Variants in SMC6 observed in about 807,000 individuals in gnomAD.
The protein encoded by SMC6 is structural maintenance of chromosomes protein 6.
SMC6 carries 79 observed loss-of-function variants against 142.2 expected under a neutral mutation model. The observed-to-expected ratio is 0.56, with a 90% CI of 0.46 to 0.67. The LOEUF is 0.67. SMC6 is among the 30% of genes least tolerant of loss of function. SMC6 has a pLI of 0.00. For synonymous variants in SMC6, 411 were observed against 412.4 expected (o/e 1.00, Z 0.04); for missense variants, 1,072 against 1,284.0 (o/e 0.83, Z 2.52).
rs757480467 is a variant in SMC6, at chr2:17,683,770, T to C, written c.2679-7A>G. 1.1e-5 allele frequency: 17 copies of C among 1,604,494 alleles called. No individual in the cohort carries two copies. Among genetic ancestry groups the C allele is most frequent in the Middle Eastern group, 3.3e-4 (2 of 6,020 alleles). On this transcript the variant is annotated splice_polypyrimidine_tract_variant and splice_region_variant and intron_variant, in intron 23 of 27. Transcript: ENST00000448223. ...TCTTGCTTCTTGGTACTGCCTATTATATAAACAAAATATTACGTAAAAAAT... is the reference window on the plus strand; with the variant it reads ...TCTTGCTTCTTGGTACTGCCTATTACATAAACAAAATATTACGTAAAAAAT...
At chr2:17,729,293 C>T (rs1407253811) in intron 7 of SMC6, among the ~76,000 whole-genome samples, 1 of 152,164 alleles carries the variant, frequency 6.6e-6, no homozygotes, top group African/African-American at 2.4e-5. Flanking sequence ...AGACTTTCTG[C>T]ATTTTAAACA....
At chr2:17,715,933 T>A (rs1572319024) in intron 15 of SMC6, among the ~76,000 whole-genome samples, 153 bp downstream of exon 15, 1 of 152,342 alleles carries the variant, frequency 6.6e-6, no homozygotes, top group Non-Finnish European at 1.5e-5. Flanking sequence ...GGATATTTTA[T>A]GCTTTAAAAA....
intron 7 of SMC6, among the ~76,000 whole-genome samples, chr2:17,726,686 T>C (rs1011550554): frequency 2.0e-5 from 3 of 152,200 alleles, no homozygotes; most frequent in African/African-American, 7.2e-5. Flanking sequence ...ATATATGGTA[T>C]AGTTAACATT....
Position 17,731,081 on chromosome 2 carries a change from G to A in SMC6, c.540C>T (p.Ile180=). 1.2e-6 allele frequency: 2 copies of A among 1,610,438 alleles called. No homozygotes were observed. Among genetic ancestry groups the A allele is most frequent in the Non-Finnish European group, 1.7e-6 (2 of 1,177,568 alleles). ...GAAACACAAATTCACCAATTACCTG[G>A]ATGTTAAAATGATCAAGAATTGCAA... ...ELIAILDHFN[I]QVDNPVSVLT... The change falls in exon 7 of 28, where the codon ATC becomes ATT. Residue 180 remains isoleucine, a synonymous_variant. Coordinates refer to ENST00000448223, the MANE Select transcript of SMC6 (RefSeq NM_001142286.2).
At chr2:17,747,693 G>C (rs1435182169) in intron 2 of SMC6, among the ~76,000 whole-genome samples, 1 of 151,930 alleles carries the variant, frequency 6.6e-6, no homozygotes, top group Non-Finnish European at 1.5e-5. Context: ...TAGTAGACAT[G>C]GGGTTTTGCC....
At chr2:17,669,734 T>C (rs554765465) in intron 26 of SMC6, among the ~76,000 whole-genome samples, 9 of 152,280 alleles carry the variant, frequency 5.9e-5, no homozygotes, top group East Asian at 5.8e-4. Context: ...TTACAGTAGA[T>C]TGAGCAAACA....
chr2:17,710,629 T>C (rs1046647026), intron 16 of SMC6, among the ~76,000 whole-genome samples: 16 of 152,054 alleles, frequency 1.1e-4, no homozygotes, highest in Non-Finnish European at 1.9e-4. Flanking sequence ...AGTGAGGTCC[T>C]TGGGCCAAGT....
intron 9 of SMC6, among the ~76,000 whole-genome samples, chr2:17,721,463 T>C (rs1669372209): frequency 6.6e-6 from 1 of 152,210 alleles, no homozygotes; most frequent in Non-Finnish European, 1.5e-5. Context: ...TTCTGCACTA[T>C]AAAAATGGCC....
intron 23 of SMC6, among the ~76,000 whole-genome samples, chr2:17,686,842 G>A (rs902638963): frequency 6.6e-6 from 1 of 152,168 alleles, no homozygotes; most frequent in Non-Finnish European, 1.5e-5. Flanking sequence ...TACATGGATG[G>A]CTAAGATAGT....
intron 20 of SMC6, among the ~76,000 whole-genome samples, chr2:17,701,147 A>T (rs1441559651): frequency 6.6e-6 from 1 of 151,896 alleles, no homozygotes; most frequent in Non-Finnish European, 1.5e-5. Context: ...ACTAGTAAAA[A>T]ATGGAGACAA....
In SMC6 at chr2:17,695,120, G is replaced by A. The variant is rs886241828; in HGVS notation, c.2678+32C>T. ...TGTCTTGATGATATGCATGAATAAT[G>A]TGGTAAAGCAGAAAAGCTACCAGCT... On this transcript the variant is annotated intron_variant, in intron 23 of 27. Transcript: ENST00000448223. 3.7e-6 allele frequency: 6 copies of A among 1,607,954 alleles called. No homozygotes were observed. The South Asian group carries it at 5.6e-5, about 15-fold the overall frequency.
At chr2:17,705,723 C>G (rs1338256110) in intron 18 of SMC6, among the ~76,000 whole-genome samples, 2 of 152,168 alleles carry the variant, frequency 1.3e-5, no homozygotes, top group Non-Finnish European at 2.9e-5. Context: ...TTTAATAAAA[C>G]TAATAAATTT....
chr2:17,741,323 C>A (rs1356647438), intron 4 of SMC6, among the ~76,000 whole-genome samples: 1 of 152,126 alleles, frequency 6.6e-6, no homozygotes, highest in Admixed American at 6.5e-5. Flanking sequence ...GCCTCAATTG[C>A]AATGAGGATC....
intron 3 of SMC6, among the ~76,000 whole-genome samples, chr2:17,742,963 C>A (rs144708006): frequency 1.1e-4 from 16 of 152,256 alleles, no homozygotes; most frequent in Admixed American, 2.6e-4. Context: ...TAACCCTGAC[C>A]CACAATCTGT....
intron 25 of SMC6, 94 bp downstream of exon 25, chr2:17,678,765 G>A (rs763131354): frequency 2.6e-5 from 22 of 854,566 alleles, no homozygotes; most frequent in Non-Finnish European, 4.0e-5. Flanking sequence ...AACAGAGTAA[G>A]ACTCTGCCTC....
chr2:17,698,165 T>C (rs1668099240), intron 21 of SMC6, among the ~76,000 whole-genome samples: 1 of 152,006 alleles, frequency 6.6e-6, no homozygotes, highest in South Asian at 2.1e-4. Context: ...TGTTAATCAG[T>C]ACGGGTTTCT....
intron 2 of SMC6, among the ~76,000 whole-genome samples, chr2:17,750,515 C>G (rs564827671): frequency 1.3e-5 from 2 of 152,158 alleles, no homozygotes; most frequent in South Asian, 4.1e-4. Context: ...TTCTAACATA[C>G]AAAGGCTTCT....
chr2:17,680,450 CAGA>C (rs1227247031), intron 24 of SMC6: 1 of 152,106 alleles, frequency 6.6e-6, no homozygotes, highest in East Asian at 1.9e-4. Flanking sequence ...GAGTCCTTTC[CAGA>C]AGGTTTTCAA....
intron 25 of SMC6, among the ~76,000 whole-genome samples, chr2:17,676,692 T>C (rs2103491819): frequency 6.6e-6 from 1 of 152,274 alleles, no homozygotes; most frequent in Non-Finnish European, 1.5e-5. Context: ...ACCCTATATC[T>C]CTCCACTTAT....
Sources: gnomAD v4.1 joint callset for allele counts (sites outside exome capture counted in the v4.1 genomes callset) on GRCh38, gnomAD v4.1.1 for gene constraint, MANE v1.5 for transcripts, NCBI Gene and HGNC (gene_info 2026-07-23, HGNC 2026-07-21) for gene names.